The following ARHGAP6 variants were observed in gnomAD, a reference collection of about 807,000 sequenced individuals.
The protein encoded by ARHGAP6 is Rho GTPase activating protein 6.
A neutral mutation model predicts 55.7 loss-of-function variants in ARHGAP6; 16 were observed. The observed-to-expected ratio is 0.29, with a 90% confidence interval of 0.19 to 0.44. ARHGAP6 has a LOEUF of 0.44. ARHGAP6 is among the 20% of genes least tolerant of loss of function. The pLI is 1.00. For missense variants in ARHGAP6, 698 were observed against 808.9 expected, an observed-to-expected ratio of 0.86 and a Z score of 1.66; for synonymous variants, 382 against 360.9, an observed-to-expected ratio of 1.06 and a Z score of -0.66.
intron 1 of ARHGAP6, among the ~76,000 whole-genome samples, chrX:11,369,892 T>C (rs2049125032): frequency 8.9e-6 from 1 of 112,507 alleles, no homozygotes; most frequent in Admixed American, 9.4e-5. Context: ...AAATGGACAC[T>C]GGGATATGCT....
chrX:11,431,584 T>C lies in ARHGAP6; in HGVS notation c.589-176877A>G, dbSNP rs1332778024. On this transcript the variant is annotated intron_variant, in intron 1 of 12. Transcript: ENST00000337414. ...CCTTCTTGAAGGCCCAGCCCCACCA[T>C]TGTTAACAGAGTTACTATGAGACCC... 2.7e-5 allele frequency among the ~76,000 whole-genome samples: 3 copies of C among 111,638 alleles called. No homozygotes were observed. The East Asian group carries it at 8.4e-4, about 31-fold the overall frequency.
At chrX:11,224,065 A>G (rs945017471) in intron 2 of ARHGAP6, among the ~76,000 whole-genome samples, 9 of 111,956 alleles carry the variant, frequency 8.0e-5, no homozygotes, top group African/African-American at 2.9e-4. Flanking sequence ...AATAGGATTA[A>G]TTTTTCATCT....
intron 1 of ARHGAP6, among the ~76,000 whole-genome samples, chrX:11,325,009 C>G (rs1401149803): frequency 9.0e-6 from 1 of 110,941 alleles, no homozygotes; most frequent in Non-Finnish European, 1.9e-5. Flanking sequence ...CAGGCGCCCG[C>G]CACCGCGCCC....
chrX:11,287,549 C>T (rs2047936343), intron 1 of ARHGAP6, among the ~76,000 whole-genome samples: 1 of 112,172 alleles, frequency 8.9e-6, no homozygotes, highest in Non-Finnish European at 1.9e-5. Flanking sequence ...ATGCTCAGTG[C>T]TTTGCCACTG....
chrX:11,419,933 CCAAA>C (rs2049798647), intron 1 of ARHGAP6, among the ~76,000 whole-genome samples: 1 of 112,193 alleles, frequency 8.9e-6, no homozygotes, highest in African/African-American at 3.2e-5. Flanking sequence ...AGCTGACATC[CCAAA>C]CACTCAAATT....
At chrX:11,435,280 T>G (rs778881234) in intron 1 of ARHGAP6, among the ~76,000 whole-genome samples, 1 of 112,636 alleles carries the variant, frequency 8.9e-6, no homozygotes, top group Non-Finnish European at 1.9e-5. Flanking sequence ...TAAATCAGAA[T>G]CTAAGCATCA....
intron 1 of ARHGAP6, among the ~76,000 whole-genome samples, chrX:11,656,424 A>G (rs2052638041): frequency 8.9e-6 from 1 of 112,325 alleles, no homozygotes; most frequent in South Asian, 3.7e-4. Context: ...AACAACTGAC[A>G]TATTCTCTTA....
At chrX:11,158,030 G>A (rs966354005) in intron 9 of ARHGAP6, among the ~76,000 whole-genome samples, 1 of 111,810 alleles carries the variant, frequency 8.9e-6, no homozygotes, top group Non-Finnish European at 1.9e-5. Flanking sequence ...AGAGACTCAA[G>A]TTCAAGCCCT....
intron 4 of ARHGAP6, 61 bp downstream of exon 4, chrX:11,188,667 A>G (rs2046416709): frequency 8.6e-7 from 1 of 1,157,077 alleles, no homozygotes; most frequent in African/African-American, 1.8e-5. Context: ...AAACGCAAAG[A>G]ATAACTGTAC....
chrX:11,374,366 G>A (rs2049176802), intron 1 of ARHGAP6, among the ~76,000 whole-genome samples: 1 of 111,944 alleles, frequency 8.9e-6, no homozygotes, highest in Non-Finnish European at 1.9e-5. Flanking sequence ...AAACAACAGA[G>A]ATGTGGAAGC....
intron 7 of ARHGAP6, among the ~76,000 whole-genome samples, chrX:11,178,530 C>A (rs148405607): frequency 9.0e-5 from 10 of 110,935 alleles, no homozygotes; most frequent in East Asian, 2.8e-4. Flanking sequence ...TCTTCTCCCC[C>A]CTTCCCTGGC....
intron 1 of ARHGAP6, among the ~76,000 whole-genome samples, chrX:11,546,723 C>T (rs1232978838): frequency 8.9e-6 from 1 of 111,734 alleles, no homozygotes; most frequent in East Asian, 2.8e-4. Flanking sequence ...TTCTCTTTTC[C>T]AGGTCTATAT....
intron 1 of ARHGAP6, among the ~76,000 whole-genome samples, chrX:11,603,598 T>C (rs886886970): frequency 1.8e-5 from 2 of 111,666 alleles, no homozygotes; most frequent in African/African-American, 6.5e-5. Flanking sequence ...TATTAAACAT[T>C]ATTTGTGATT....
chrX:11,380,364 C>T (rs1287604681), intron 1 of ARHGAP6, among the ~76,000 whole-genome samples: 8 of 111,852 alleles, frequency 7.2e-5, no homozygotes, highest in African/African-American at 2.3e-4. Context: ...GCACTGATTT[C>T]CCCATGAGTC....
At chrX:11,656,752 C>T (rs2052641471) in intron 1 of ARHGAP6, among the ~76,000 whole-genome samples, 1 of 111,644 alleles carries the variant, frequency 9.0e-6, no homozygotes, top group Non-Finnish European at 1.9e-5. Context: ...ACATTGGCCC[C>T]ACCCAGACAA....
At chrX:11,185,202 A>G (rs2046372129) in intron 5 of ARHGAP6, among the ~76,000 whole-genome samples, 2 of 107,843 alleles carry the variant, frequency 1.9e-5, no homozygotes, top group Middle Eastern at 4.8e-3. Flanking sequence ...AGAGAAAGAG[A>G]TGTATATTCA....
Position 11,649,578 on chromosome X carries a change from C to T in ARHGAP6, c.588+14663G>A, listed in dbSNP as rs746449918. Among the ~76,000 whole-genome samples, 3 of 111,723 alleles carry T rather than the reference C, an allele frequency of 2.7e-5. No individual in the cohort carries two copies. The East Asian group carries it at 8.4e-4, about 31-fold the overall frequency. On this transcript the variant is annotated intron_variant, in intron 1 of 12. Transcript: ENST00000337414. ...ATCCCTTTTTCTTCATTACTCCTTC[C>T]TGAGAGCACCTCCCAAATAAACTGC...
At chrX:11,628,395 G>C (rs2052322974) in intron 1 of ARHGAP6, among the ~76,000 whole-genome samples, 1 of 112,579 alleles carries the variant, frequency 8.9e-6, no homozygotes, top group Non-Finnish European at 1.9e-5. Flanking sequence ...TTCAGTAAAG[G>C]TATAAGTGAA....
intron 1 of ARHGAP6, among the ~76,000 whole-genome samples, chrX:11,656,715 C>T (rs941215208): frequency 1.5e-4 from 17 of 111,031 alleles, no homozygotes; most frequent in African/African-American, 5.6e-4. Context: ...ACCTTCCTGC[C>T]TCCCTCTTAT....
Sources: gnomAD v4.1 joint callset for allele counts (sites outside exome capture counted in the v4.1 genomes callset) on GRCh38, gnomAD v4.1.1 for gene constraint, MANE v1.5 for transcripts, NCBI Gene and HGNC (gene_info 2026-07-23, HGNC 2026-07-21) for gene names.